The following CNTN5 variants were observed in gnomAD, a reference collection of about 807,000 sequenced individuals.
CNTN5 encodes the protein contactin-5.
In CNTN5, 77 loss-of-function variants were observed where a neutral mutation model predicts 129.1. The ratio of observed to expected loss-of-function variants is 0.60; its 90% CI spans 0.50 to 0.72. The LOEUF is 0.72. Among genes scored for constraint, CNTN5 ranks in the 30% least tolerant of loss-of-function variants. The pLI, the probability that CNTN5 is intolerant of heterozygous loss-of-function variation, is 0.00. For missense variants in CNTN5, 1,478 were observed against 1,328.8 expected (o/e 1.11, Z -1.75); for synonymous variants, 509 against 465.6 (o/e 1.09, Z -1.20).
At chr11:100,009,289 T>C (rs534373594) in intron 9 of CNTN5, among the ~76,000 whole-genome samples, 1 of 152,036 alleles carries the variant, frequency 6.6e-6, no homozygotes, top group Non-Finnish European at 1.5e-5. Flanking sequence ...GCTCTTAAAA[T>C]AGAATTGCAC....
At chr11:100,076,101 T>C (rs1944116081) in intron 13 of CNTN5, among the ~76,000 whole-genome samples, 1 of 152,150 alleles carries the variant, frequency 6.6e-6, no homozygotes. Context: ...CTCACAACAC[T>C]ATGATTTTTA....
At chr11:99,098,906 A>G (rs972282053) in intron 1 of CNTN5, among the ~76,000 whole-genome samples, 3 of 152,124 alleles carry the variant, frequency 2.0e-5, no homozygotes, top group Non-Finnish European at 1.5e-5. Flanking sequence ...ATCTGTCTAG[A>G]CAGGTGTTAT....
chr11:99,945,925 T>C (rs192480712), intron 7 of CNTN5, among the ~76,000 whole-genome samples: 52 of 152,162 alleles, frequency 3.4e-4, no homozygotes, highest in African/African-American at 1.3e-3. Flanking sequence ...AAGCTTTTTA[T>C]TTTTTCACTA....
chr11:100,224,891 G>C, intron 16 of CNTN5, 79 bp downstream of exon 16: 1 of 1,427,766 alleles, frequency 7.0e-7, no homozygotes, highest in South Asian at 1.2e-5. Flanking sequence ...CATGGACTTT[G>C]AGCACATCAG....
chr11:100,272,926 G>C (rs958947010), intron 18 of CNTN5, among the ~76,000 whole-genome samples: 2 of 152,124 alleles, frequency 1.3e-5, no homozygotes, highest in Admixed American at 6.5e-5. Context: ...GGAGCCCAGA[G>C]GGTTTGGTGC....
At chr11:99,574,708 C>A (rs1591300377) in intron 3 of CNTN5, among the ~76,000 whole-genome samples, 1 of 152,028 alleles carries the variant, frequency 6.6e-6, no homozygotes, top group East Asian at 1.9e-4. Flanking sequence ...AAATGCCTTT[C>A]TTTTGAGAAG....
intron 1 of CNTN5, among the ~76,000 whole-genome samples, chr11:99,164,590 A>G (rs1184574363): frequency 6.6e-6 from 1 of 152,168 alleles, no homozygotes; most frequent in East Asian, 1.9e-4. Flanking sequence ...AATGTGCTTA[A>G]ATTCAGAGTA....
Position 99,761,283 on chromosome 11 carries a change from T to C in CNTN5, c.56-58261T>C, listed in dbSNP as rs1944571730. Among the ~76,000 whole-genome samples, 4 of 152,184 alleles carry C rather than the reference T, an allele frequency of 2.6e-5. No homozygotes were observed. The South Asian group carries it at 8.3e-4, about 32-fold the overall frequency. ...TAAGTGTTTTTTTCTTTTATTATTATACTTTAAGTTTTAGGGTACGTGTGC... is the reference window on the plus strand; with the variant it reads ...TAAGTGTTTTTTTCTTTTATTATTACACTTTAAGTTTTAGGGTACGTGTGC... On this transcript the variant is annotated intron_variant, in intron 3 of 24. Transcript: ENST00000524871.
At chr11:99,178,172 C>T (rs1222501187) in intron 1 of CNTN5, among the ~76,000 whole-genome samples, 1 of 151,934 alleles carries the variant, frequency 6.6e-6, no homozygotes, top group East Asian at 1.9e-4. Flanking sequence ...AACAAACAAA[C>T]AAACAAACAA....
intron 1 of CNTN5, among the ~76,000 whole-genome samples, chr11:99,229,773 G>A (rs1860892360): frequency 1.3e-5 from 2 of 152,020 alleles, no homozygotes; most frequent in Admixed American, 6.6e-5. Flanking sequence ...TCAGGCTAGT[G>A]TCAGCTTAAC....
chr11:100,121,235 C>A (rs1946011264), intron 13 of CNTN5, among the ~76,000 whole-genome samples: 2 of 151,978 alleles, frequency 1.3e-5, no homozygotes, highest in Non-Finnish European at 2.9e-5. Context: ...TAAATTACTT[C>A]TAGGCGGAAC....
intron 1 of CNTN5, among the ~76,000 whole-genome samples, chr11:99,149,766 A>AT (rs528171345): frequency 6.6e-6 from 1 of 151,492 alleles, no homozygotes; most frequent in Non-Finnish European, 1.5e-5. Context: ...TAAAGTCTCA[A>AT]TTTTTTTTTA....
intron 6 of CNTN5, among the ~76,000 whole-genome samples, chr11:99,894,605 T>C (rs1406865506): frequency 6.6e-6 from 1 of 151,140 alleles, no homozygotes; most frequent in Non-Finnish European, 1.5e-5. Flanking sequence ...AACCATGAAT[T>C]CACAGCAGTT....
intron 2 of CNTN5, among the ~76,000 whole-genome samples, chr11:99,541,993 A>G (rs1355656033): frequency 1.3e-5 from 2 of 151,600 alleles, no homozygotes; most frequent in Admixed American, 1.3e-4. Flanking sequence ...AAGAAAAGAA[A>G]GAAATGTGGG....
At chr11:99,953,436 G>A (rs1490635967) in intron 7 of CNTN5, among the ~76,000 whole-genome samples, 1 of 152,148 alleles carries the variant, frequency 6.6e-6, no homozygotes, top group Non-Finnish European at 1.5e-5. Context: ...TAGAAATGAT[G>A]ACTGAAATAA....
At chr11:99,836,339 G>A (rs1947306301) in intron 4 of CNTN5, among the ~76,000 whole-genome samples, 1 of 134,894 alleles carries the variant, frequency 7.4e-6, no homozygotes, top group East Asian at 2.2e-4. Flanking sequence ...TCCCCACCCT[G>A]TGTCGAAGTG....
chr11:99,847,318 A>C (rs1947731675), intron 6 of CNTN5, among the ~76,000 whole-genome samples: 1 of 152,344 alleles, frequency 6.6e-6, no homozygotes, highest in Non-Finnish European at 1.5e-5. Context: ...TGAAGTGATG[A>C]CTTTGGCAGC....
chr11:100,214,468 C>G (rs1033701925), intron 15 of CNTN5, among the ~76,000 whole-genome samples: 1 of 152,170 alleles, frequency 6.6e-6, no homozygotes, highest in Admixed American at 6.6e-5. Context: ...CAGTCTTCTT[C>G]CTGAAAATCT....
At chr11:99,768,565 A>G (rs548820022) in intron 3 of CNTN5, among the ~76,000 whole-genome samples, 1 of 152,226 alleles carries the variant, frequency 6.6e-6, no homozygotes, top group African/African-American at 2.4e-5. Flanking sequence ...CTTTCATGAC[A>G]TTTCCATTTT....
Sources: gnomAD v4.1 joint callset for allele counts (sites outside exome capture counted in the v4.1 genomes callset) on GRCh38, gnomAD v4.1.1 for gene constraint, MANE v1.5 for transcripts, NCBI Gene and HGNC (gene_info 2026-07-23, HGNC 2026-07-21) for gene names.